Variants in SCML4 observed in about 807,000 individuals in gnomAD.
SCML4 encodes sex comb on midleg-like protein 4.
A neutral mutation model predicts 41.1 loss-of-function variants in SCML4; 34 were observed. The ratio of observed to expected loss-of-function variants is 0.83; its 90% CI spans 0.63 to 1.10. The LOEUF (loss-of-function observed/expected upper bound fraction) is 1.10, where lower values mean the gene tolerates loss of function less well. Ranked by LOEUF, SCML4 falls within the 50% of genes least tolerant of loss-of-function variation. The pLI, the probability that SCML4 is intolerant of heterozygous loss-of-function variation, is 0.00. For synonymous variants in SCML4, 214 were observed against 220.9 expected (o/e 0.97, Z 0.28); for missense variants, 522 against 534.1 (o/e 0.98, Z 0.22).
At chr6:107,843,844 G>T in the SCML4 span, among the ~76,000 whole-genome samples, 3 of 152,180 alleles carry the variant, frequency 2.0e-5, no homozygotes, top group Non-Finnish European at 4.4e-5. Flanking sequence ...CCCTAATAAA[G>T]AGATGGGAAG....
chr6:107,724,966 C>T (rs553361403), intron 5 of SCML4, among the ~76,000 whole-genome samples: 2 of 152,312 alleles, frequency 1.3e-5, no homozygotes, highest in South Asian at 2.1e-4. Context: ...CACATGTTCT[C>T]ACCCATATGT....
At chr6:107,779,396 C>T (rs895414022) in intron 1 of SCML4, among the ~76,000 whole-genome samples, 1 of 151,806 alleles carries the variant, frequency 6.6e-6, no homozygotes, top group Non-Finnish European at 1.5e-5. Flanking sequence ...AGGATTTTCC[C>T]GGGCAGAGCA....
chr6:107,732,637 T>C (rs947159641), intron 5 of SCML4, among the ~76,000 whole-genome samples: 1 of 152,158 alleles, frequency 6.6e-6, no homozygotes, highest in Non-Finnish European at 1.5e-5. Flanking sequence ...CTGTTTGGGA[T>C]AATGAATGGC....
At chr6:107,742,254 A>C (rs187471105) in intron 5 of SCML4, among the ~76,000 whole-genome samples, 136 of 152,292 alleles carry the variant, frequency 8.9e-4, no homozygotes, top group African/African-American at 3.1e-3. Flanking sequence ...AAAAAGGAAA[A>C]AGGATGAGAA....
intron 1 of SCML4, among the ~76,000 whole-genome samples, chr6:107,794,813 A>G (rs1201752804): frequency 2.0e-5 from 3 of 152,082 alleles, no homozygotes; most frequent in African/African-American, 7.2e-5. Context: ...AGCAGGATTG[A>G]TTCCTTCTTG....
At chr6:107,800,059 C>T (rs1037016300) in intron 1 of SCML4, among the ~76,000 whole-genome samples, 3 of 151,186 alleles carry the variant, frequency 2.0e-5, no homozygotes, top group African/African-American at 7.3e-5. Context: ...ATTTGTTCCC[C>T]ATGCTGGTCT....
intron 1 of SCML4, among the ~76,000 whole-genome samples, chr6:107,811,578 T>C (rs557719258): frequency 6.6e-6 from 1 of 152,200 alleles, no homozygotes; most frequent in South Asian, 2.1e-4. Context: ...AATGCCCCCA[T>C]CAAAAGGCAT....
In SCML4 at chr6:107,705,169, T is replaced by C; in HGVS notation, c.*31A>G. The C allele has an allele frequency of 6.5e-7, 1 of 1,545,830 alleles. No individual in the cohort carries two copies. Among genetic ancestry groups the C allele is most frequent in the Non-Finnish European group, 8.8e-7 (1 of 1,141,652 alleles). Reference sequence around the variant, plus strand: ...AGAAGATAATCTTGGGATCTGTTGTTTTGGGTTTCGCTTCTGTCTTTTTAA... The same window carrying C: ...AGAAGATAATCTTGGGATCTGTTGTCTTGGGTTTCGCTTCTGTCTTTTTAA... On this transcript the variant is annotated 3_prime_UTR_variant, in exon 8 of 8. Coordinates refer to ENST00000369020, the MANE Select transcript of SCML4 (RefSeq NM_198081.5).
At chr6:107,814,125 G>C (rs1784400100) in intron 1 of SCML4, among the ~76,000 whole-genome samples, 1 of 152,226 alleles carries the variant, frequency 6.6e-6, no homozygotes, top group African/African-American at 2.4e-5. Context: ...CAGTCAAGGA[G>C]AGGGGAGTTA....
chr6:107,721,045 G>T (rs773669694), intron 5 of SCML4, 52 bp from the exon 6 acceptor site: 1 of 1,529,536 alleles, frequency 6.5e-7, no homozygotes, highest in Non-Finnish European at 8.8e-7. Flanking sequence ...AGTTCAGGAA[G>T]CTATCAGACC....
At chr6:107,731,788 G>A (rs993889995) in intron 5 of SCML4, among the ~76,000 whole-genome samples, 1 of 152,228 alleles carries the variant, frequency 6.6e-6, no homozygotes, top group Admixed American at 6.5e-5. Context: ...GCAGTTCGCA[G>A]ATTTGTAGAG....
Position 107,746,767 on chromosome 6 carries a change from C to G in SCML4, c.409G>C (p.Ala137Pro). The G allele has an allele frequency of 6.2e-7, 1 of 1,613,950 alleles. No individual in the cohort carries two copies. Among genetic ancestry groups the G allele is most frequent in the Non-Finnish European group, 8.5e-7 (1 of 1,180,028 alleles). The change falls in exon 4 of 8, where the codon GCC becomes CCC. Residue 137 changes from alanine to proline, a missense_variant. Physicochemically the swap from Ala to Pro is conservative, Grantham distance 27. Coordinates refer to ENST00000369020, the MANE Select transcript of SCML4 (RefSeq NM_198081.5). ...PSAVLQQAVQ[A>P]CIDCAHQQKL... ...TGCTGGTGGGCGCAGTCGATGCAGG[C>G]TTGGACGGCCTGCTGCAGCACCGCC... is the stretch of plus-strand genomic sequence containing the variant.
chr6:107,810,013 C>A (rs1481449624), intron 1 of SCML4, among the ~76,000 whole-genome samples: 1 of 152,158 alleles, frequency 6.6e-6, no homozygotes, highest in East Asian at 1.9e-4. Context: ...GCACTGTGCT[C>A]ATGTGGTCAG....
rs540687712 is a variant in SCML4, at chr6:107,823,443, AAGG to A, written c.-60+680_-60+682del. ...TTCAAGTCACAGTGCTCCACCTGGG[AAGG>A]AGGTGATTTTGAGCTTGGGAAAACT... On this transcript the variant is annotated intron_variant, in intron 1 of 7. Transcript: ENST00000369020. Among the ~76,000 whole-genome samples, 10 of 152,306 alleles carry A rather than the reference AAGG, an allele frequency of 6.6e-5. No individual in the cohort carries two copies. The South Asian group carries it at 1.9e-3, about 28-fold the overall frequency.
At chr6:107,803,785 C>T (rs1420412303) in intron 1 of SCML4, among the ~76,000 whole-genome samples, 1 of 150,868 alleles carries the variant, frequency 6.6e-6, no homozygotes, top group Non-Finnish European at 1.5e-5. Context: ...TGTGCTGTGT[C>T]CACTCAGGGT....
Position 107,749,754 on chromosome 6 carries a change from C to G in SCML4, c.216G>C (p.Glu72Asp), listed in dbSNP as rs764455186. The G allele has an allele frequency of 3.1e-6, 5 of 1,614,026 alleles. No individual in the cohort carries two copies. The Admixed American group carries it at 8.3e-5, about 27-fold the overall frequency. ...LALSPPRSTP[E>D]PDLSSIPQDA... ...CCTGAGGGATGGAGCTGAGGTCGGG[C>G]TCTGGGGTACTCCGCGGAGGTGAGA... Residue 72 changes from glutamate (E) to aspartate (D), a missense_variant, in exon 3 of 8, where the codon GAG becomes GAC. Transcript: ENST00000369020.
intron 1 of SCML4, among the ~76,000 whole-genome samples, chr6:107,816,604 A>C (rs572459447): frequency 1.8e-4 from 27 of 152,230 alleles, no homozygotes; most frequent in Non-Finnish European, 3.2e-4. Flanking sequence ...GCTTGCTAAC[A>C]ATGGAAGGAT....
intron 5 of SCML4, among the ~76,000 whole-genome samples, chr6:107,738,048 C>T (rs1220447822): frequency 1.3e-5 from 2 of 152,162 alleles, no homozygotes; most frequent in Non-Finnish European, 2.9e-5. Context: ...CTGGCTAAAG[C>T]ATATTTATAC....
chr6:107,788,663 A>T (rs888784077), intron 1 of SCML4, among the ~76,000 whole-genome samples: 4 of 152,056 alleles, frequency 2.6e-5, no homozygotes, highest in Non-Finnish European at 5.9e-5. Flanking sequence ...TGCTACCAAC[A>T]CCCTGGTATT....
Sources: allele counts gnomAD v4.1 joint callset (sites outside exome capture counted in the v4.1 genomes callset), GRCh38; gene constraint gnomAD v4.1.1; transcripts MANE v1.5; gene names NCBI Gene and HGNC (gene_info 2026-07-23, HGNC 2026-07-21).